FKBP9: variants seen among roughly 807,000 people sequenced by gnomAD.
The protein encoded by FKBP9 is peptidyl-prolyl cis-trans isomerase FKBP9.
Under a neutral mutation model 55.6 loss-of-function variants are expected in FKBP9, and 27 were observed. The ratio of observed to expected loss-of-function variants is 0.49; its 90% confidence interval spans 0.36 to 0.67. The LOEUF is 0.67. Ranked by LOEUF, FKBP9 falls within the 30% of genes least tolerant of loss-of-function variation. The pLI, the probability that FKBP9 is intolerant of heterozygous loss-of-function variation, is 0.00. For synonymous variants in FKBP9, 267 were observed against 296.5 expected (o/e 0.90, Z 1.02); for missense variants, 539 against 742.8 (o/e 0.73, Z 3.19).
intron 4 of FKBP9, chr7:32,979,673 C>T (rs1784433971): frequency 3.2e-6 from 3 of 927,290 alleles, no homozygotes; most frequent in South Asian, 1.4e-5. Flanking sequence ...TTGATCTTTG[C>T]AGGAAGAACT....
At chr7:32,973,676 T>TTTG (rs1784295082) in intron 1 of FKBP9, among the ~76,000 whole-genome samples, 3 of 125,764 alleles carry the variant, frequency 2.4e-5, no homozygotes, top group East Asian at 2.7e-4. Context: ...AATGAAGTTT[T>TTTG]TTGTTGTTTT....
chr7:32,975,054 T>C (rs548747215), intron 2 of FKBP9, 128 bp from the exon 3 acceptor site: 1 of 741,412 alleles, frequency 1.3e-6, no homozygotes, highest in Non-Finnish European at 2.2e-6. Flanking sequence ...TGGGTCATTT[T>C]GGGATTGTAT....
chr7:32,975,527 G>A (rs1784341481), intron 3 of FKBP9, among the ~76,000 whole-genome samples, 156 bp downstream of exon 3: 1 of 152,176 alleles, frequency 6.6e-6, no homozygotes, highest in Admixed American at 6.5e-5. Flanking sequence ...CTTTTGGTCA[G>A]TGTTGCATCT....
In FKBP9 at chr7:32,979,256, G is replaced by A. The variant is rs188384228; in HGVS notation, c.704-1108G>A. On this transcript the variant is annotated intron_variant, in intron 4 of 9. Coordinates refer to ENST00000242209, the MANE Select transcript of FKBP9 (RefSeq NM_007270.5). Reference sequence around the variant, plus strand: ...TACACTCCAGCCTGGGCAACAGAGCGAGACTCCGTCTCAAGAAAAAAAAAA... The same window carrying A: ...TACACTCCAGCCTGGGCAACAGAGCAAGACTCCGTCTCAAGAAAAAAAAAA... Among the ~76,000 whole-genome samples, 97 of 151,852 alleles carry A rather than the reference G, an allele frequency of 6.4e-4. 1 individual carries two copies. The East Asian group carries it at 0.015, about 23-fold the overall frequency.
intron 5 of FKBP9, among the ~76,000 whole-genome samples, chr7:32,987,221 G>T (rs1784596358): frequency 6.6e-6 from 1 of 152,150 alleles, no homozygotes; most frequent in South Asian, 2.1e-4. Context: ...GTCAGGCTGG[G>T]TGCTGTGGCT....
rs1045660586 is a variant in FKBP9 at position 32,964,650 on chromosome 7, G to A, written c.221+6856G>A. On this transcript the variant is annotated intron_variant, in intron 1 of 9. Transcript: ENST00000242209. ...CTCTGCAGCGTTCTCACACTTTCCC[G>A]TCTGGGTAGTTTGCCAGTTCATTAA... is the stretch of plus-strand genomic sequence containing the variant. Among the ~76,000 whole-genome samples, 13 of 152,126 alleles carry A rather than the reference G, an allele frequency of 8.5e-5. No individual in the cohort carries two copies. In the South Asian group the frequency reaches 1.2e-3, roughly 15 times the overall value.
intron 1 of FKBP9, among the ~76,000 whole-genome samples, chr7:32,966,190 CAAAA>C (rs60022113): frequency 2.6e-5 from 2 of 77,226 alleles, no homozygotes; most frequent in Non-Finnish European, 2.5e-5. Context: ...GACGCCATCT[CAAAA>C]AAAAAAAAAA....
chr7:33,000,176 G>A lies in FKBP9; in HGVS notation c.1288G>A (p.Asp430Asn). Residue 430 changes from aspartate (D) to asparagine (N), a missense_variant, in exon 8 of 10, where the codon GAC becomes AAC. This residue lies in a region of FKBP9 where 102 missense variants were observed against 200.7 expected (regional missense o/e 0.51). Transcript: ENST00000242209. The stretch of plus-strand genomic sequence containing the variant: ...ATCTGGGCAAGTTGTGTTGGGGATG[G>A]ACATGGGTCTCAGAGAGATGTGCGT... ...LGSGQVVLGM[D>N]MGLREMCVGE... 1 of 1,613,812 alleles carries A rather than the reference G, an allele frequency of 6.2e-7. No individual in the cohort carries two copies. Among genetic ancestry groups the A allele is most frequent in the Non-Finnish European group, 8.5e-7 (1 of 1,179,868 alleles).
At chr7:33,002,020 G>C (rs1206480558) in intron 8 of FKBP9, 1 of 152,158 alleles carries the variant, frequency 6.6e-6, no homozygotes, top group African/African-American at 2.4e-5. Context: ...TCTCAGTATG[G>C]TTCCAATTTT....
At chr7:32,977,883 G>GTATATATATATATATATATA (rs1784395531) in intron 4 of FKBP9, among the ~76,000 whole-genome samples, 1 of 128,104 alleles carries the variant, frequency 7.8e-6, no homozygotes, top group Non-Finnish European at 1.5e-5. Flanking sequence ...ATATATATAT[G>GTATATATATATATATATATA]TATATATACA....
intron 5 of FKBP9, among the ~76,000 whole-genome samples, chr7:32,986,451 C>T (rs1392030786): frequency 6.6e-6 from 1 of 152,194 alleles, no homozygotes; most frequent in African/African-American, 2.4e-5. Context: ...GAGGGTGAGC[C>T]CTGCTCTGGC....
Position 32,996,278 on chromosome 7 carries a change from G to A in FKBP9, c.1155G>A (p.Leu385=). Residue 385 remains leucine, a synonymous_variant, in exon 7 of 10, where the codon CTG becomes CTA. Coordinates refer to ENST00000242209, the MANE Select transcript of FKBP9 (RefSeq NM_007270.5). ...ACAAACCCCCTGACTGCTCAGTGCT[G>A]AGTAAGAAGGGAGATTACCTCAAAT... is the stretch of plus-strand genomic sequence containing the variant. ...SHYKPPDCSV[L]SKKGDYLKYH... is the part of the protein sequence containing the mutation. 6.2e-7 allele frequency: 1 copy of A among 1,614,082 alleles called. No individual in the cohort carries two copies. Among genetic ancestry groups the A allele is most frequent in the South Asian group, 1.1e-5 (1 of 91,088 alleles).
Position 33,000,938 on chromosome 7 carries a change from G to T in FKBP9, c.1372+678G>T, listed in dbSNP as rs560246360. On this transcript the variant is annotated intron_variant, in intron 8 of 9. Transcript: ENST00000242209. ...TGGGACTACAGGCATGCACCACCTC[G>T]CCTGGCTAATTTTTTATTTTTTAGA... is the stretch of plus-strand genomic sequence containing the variant. 4.6e-5 allele frequency among the ~76,000 whole-genome samples: 7 copies of T among 152,048 alleles called. No homozygotes were observed. The South Asian group carries it at 1.2e-3, about 27-fold the overall frequency.
chr7:32,967,218 A>G (rs1405828072), intron 1 of FKBP9, among the ~76,000 whole-genome samples: 1 of 152,010 alleles, frequency 6.6e-6, no homozygotes, highest in Non-Finnish European at 1.5e-5. Context: ...CTTTGCACAC[A>G]CCCACTTTGT....
At chr7:32,993,985 T>C (rs1312755849) in intron 6 of FKBP9, among the ~76,000 whole-genome samples, 2 of 152,236 alleles carry the variant, frequency 1.3e-5, no homozygotes, top group Non-Finnish European at 2.9e-5. Context: ...AATGCTTCTG[T>C]GAATATGAGT....
chr7:32,962,500 G>A (rs55847931), intron 1 of FKBP9, among the ~76,000 whole-genome samples: 57,219 of 151,788 alleles, frequency 0.38, 12,269 homozygotes, highest in Non-Finnish European at 0.49. Context: ...TTGAGACAGC[G>A]TCTCACTTTG....
chr7:32,980,523 C>T lies in FKBP9; in HGVS notation c.863C>T (p.Thr288Met), dbSNP rs769649631. 15 of 1,613,786 alleles carry T rather than the reference C, an allele frequency of 9.3e-6. No homozygotes were observed. The highest frequency in any genetic ancestry group is 7.7e-5 in the South Asian group (7 of 91,054). Reference sequence around the variant, plus strand: ...TTTCTCAGGTATCATTACAATGGCACGCTTCTGGATGGCACCCTCTTTGAT... The same window carrying T: ...TTTCTCAGGTATCATTACAATGGCATGCTTCTGGATGGCACCCTCTTTGAT... ...GDFLRYHYNGTLLDGTLFDSS... is the reference protein window; with the variant it reads ...GDFLRYHYNGMLLDGTLFDSS... The change falls in exon 5 of 10, where the codon ACG becomes ATG. Residue 288 changes from threonine (T) to methionine (M), a missense_variant. Physicochemically the swap from Thr to Met is moderately conservative, Grantham distance 81. Coordinates refer to ENST00000242209, the MANE Select transcript of FKBP9 (RefSeq NM_007270.5).
chr7:32,985,989 T>A (rs1784567253), intron 5 of FKBP9, among the ~76,000 whole-genome samples: 1 of 152,050 alleles, frequency 6.6e-6, no homozygotes, highest in Non-Finnish European at 1.5e-5. Flanking sequence ...TGAGACTGTG[T>A]CTCAAAAAAA....
intron 1 of FKBP9, among the ~76,000 whole-genome samples, chr7:32,962,125 G>T (rs1417437703): frequency 6.6e-6 from 1 of 152,086 alleles, no homozygotes; most frequent in Admixed American, 6.5e-5. Flanking sequence ...AGCCAGGCAC[G>T]GTGGCTCATG....
Sources: gnomAD v4.1 joint callset for allele counts (sites outside exome capture counted in the v4.1 genomes callset) on GRCh38, gnomAD v4.1.1 for gene constraint, gnomAD v4.1.1 regional missense constraint, MANE v1.5 for transcripts, NCBI Gene and HGNC (gene_info 2026-07-23, HGNC 2026-07-21) for gene names.